DIP2C: variants seen among roughly 807,000 people sequenced by gnomAD.
The protein encoded by DIP2C is disco-interacting protein 2 homolog C.
DIP2C carries 33 observed loss-of-function variants against 192.4 expected under a neutral mutation model. The ratio of observed to expected loss-of-function variants is 0.17; its 90% CI spans 0.13 to 0.23. DIP2C has a LOEUF of 0.23. Among genes scored for constraint, DIP2C ranks in the 10% least tolerant of loss-of-function variants. The probability of loss-of-function intolerance (pLI) is 1.00; values close to 1 mark genes in which losing one functional copy is unlikely to be tolerated. For missense variants in DIP2C, 1,537 were observed against 2,110.1 expected (o/e 0.73, Z 5.32); for synonymous variants, 979 against 864.1 (o/e 1.13, Z -2.33).
chr10:333,873 T>C (rs919104315), intron 29 of DIP2C, among the ~76,000 whole-genome samples: 1 of 152,252 alleles, frequency 6.6e-6, no homozygotes, highest in African/African-American at 2.4e-5. Context: ...TATCTCACTG[T>C]GGTTTTAATT....
At chr10:323,871 CGA>C (rs1383589208) in intron 31 of DIP2C, among the ~76,000 whole-genome samples, 3 of 152,136 alleles carry the variant, frequency 2.0e-5, no homozygotes, top group African/African-American at 7.2e-5. Context: ...AGCCAGGGAG[CGA>C]GAGGTGGTTT....
At chr10:334,031 G>A (rs1188333748) in intron 29 of DIP2C, among the ~76,000 whole-genome samples, 2 of 152,176 alleles carry the variant, frequency 1.3e-5, no homozygotes, top group African/African-American at 2.4e-5. Context: ...TAGGCTGGGT[G>A]CAGTGGCTCA....
chr10:404,032 A>G (rs200699021), intron 9 of DIP2C, among the ~76,000 whole-genome samples: 1 of 146,794 alleles, frequency 6.8e-6, no homozygotes, highest in African/African-American at 2.5e-5. Context: ...TAGCATTAGC[A>G]TTACTCTTCC....
chr10:584,093 G>T (rs1412574050), intron 1 of DIP2C, among the ~76,000 whole-genome samples: 2 of 152,180 alleles, frequency 1.3e-5, no homozygotes, highest in Admixed American at 6.5e-5. Context: ...CTGACTCTGA[G>T]GCTGCCCTGA....
intron 1 of DIP2C, among the ~76,000 whole-genome samples, chr10:622,466 C>T (rs773541083): frequency 2.0e-5 from 3 of 151,792 alleles, no homozygotes; most frequent in South Asian, 2.1e-4. Flanking sequence ...GAATGGAAGG[C>T]GTGTTGCCTC....
chr10:686,586 A>C (rs1203128286), intron 1 of DIP2C, among the ~76,000 whole-genome samples: 1 of 152,204 alleles, frequency 6.6e-6, no homozygotes, highest in Non-Finnish European at 1.5e-5. Context: ...ATGTATCCCC[A>C]CATGGATTCG....
chr10:451,018 T>A (rs1968801882), intron 3 of DIP2C, among the ~76,000 whole-genome samples: 1 of 152,160 alleles, frequency 6.6e-6, no homozygotes, highest in African/African-American at 2.4e-5. Context: ...ATTCAGCCTG[T>A]GAGTTCCTCA....
intron 1 of DIP2C, among the ~76,000 whole-genome samples, chr10:685,142 A>C (rs1488124217): frequency 2.3e-5 from 1 of 43,460 alleles, no homozygotes; most frequent in African/African-American, 1.1e-4. Flanking sequence ...CCCCAAAAAA[A>C]AAAAAAAAAA....
Position 651,434 on chromosome 10 carries a change from T to C in DIP2C, c.85+38060A>G, listed in dbSNP as rs1039964069. On this transcript the variant is annotated intron_variant, in intron 1 of 36. Coordinates refer to ENST00000280886, the MANE Select transcript of DIP2C (RefSeq NM_014974.3). The surrounding 1 kb of genome is among the most constrained non-coding windows in gnomAD (Gnocchi z 4.1). ...TGACTGAATGAACAAGTATGTTAAG[T>C]CGTTAAGTAAAAATAGCAGAAGACT... The C allele has an allele frequency of 5.8e-6, 4 of 686,800 alleles. No individual in the cohort carries two copies. The highest frequency in any genetic ancestry group is 3.5e-5 in the African/African-American group (2 of 56,866). The allele number at this position is 686,800 out of a possible 1,614,324, so 42.5% of individuals were successfully genotyped here.
chr10:650,987 ATC>A (rs1399532530), intron 1 of DIP2C: 4 of 716,932 alleles, frequency 5.6e-6, no homozygotes, highest in Admixed American at 4.0e-5. Flanking sequence ...CCCTCTCTCC[ATC>A]TCTCCCGGTG....
At chr10:538,409 C>A (rs1188471960) in intron 1 of DIP2C, among the ~76,000 whole-genome samples, 1 of 152,226 alleles carries the variant, frequency 6.6e-6, no homozygotes, top group Non-Finnish European at 1.5e-5. Context: ...TCAGCCTTGG[C>A]CTTCCAAAGC....
At chr10:446,615 G>C (rs1335341051) in intron 3 of DIP2C, among the ~76,000 whole-genome samples, 1 of 152,182 alleles carries the variant, frequency 6.6e-6, no homozygotes, top group Non-Finnish European at 1.5e-5. Flanking sequence ...GTGCCATGCA[G>C]ACCTGAACCA....
chr10:369,031 C>G (rs1960645610), intron 18 of DIP2C, among the ~76,000 whole-genome samples: 1 of 152,244 alleles, frequency 6.6e-6, no homozygotes, highest in Non-Finnish European at 1.5e-5. Flanking sequence ...GCTTCTGAGA[C>G]TTGGAAAAAG....
At chr10:348,491 A>C in intron 26 of DIP2C, 150 bp downstream of exon 26, 1 of 1,228,276 alleles carries the variant, frequency 8.1e-7, no homozygotes, top group African/African-American at 1.5e-5. Context: ...GGCTCCCTGC[A>C]GGTAGAGACC....
At chr10:534,842 A>C (rs1370452296) in intron 1 of DIP2C, among the ~76,000 whole-genome samples, 1 of 149,962 alleles carries the variant, frequency 6.7e-6, no homozygotes, top group Non-Finnish European at 1.5e-5. Flanking sequence ...GCGCCCGGCT[A>C]ATTTTTTGTA....
intron 4 of DIP2C, among the ~76,000 whole-genome samples, chr10:432,944 CTAT>C (rs201830939): frequency 0.02 from 3,060 of 152,238 alleles, 44 homozygotes; most frequent in Non-Finnish European, 0.034. Context: ...TTCCAGTCAT[CTAT>C]TATTTATTTC....
chr10:534,317 G>T (rs562788473), intron 1 of DIP2C, among the ~76,000 whole-genome samples: 12 of 152,358 alleles, frequency 7.9e-5, no homozygotes, highest in African/African-American at 2.9e-4. Flanking sequence ...TCTTCCTGCT[G>T]GTGGGGACAG....
chr10:593,848 G>C (rs1334837357), intron 1 of DIP2C, among the ~76,000 whole-genome samples: 2 of 152,172 alleles, frequency 1.3e-5, no homozygotes, highest in African/African-American at 4.8e-5. Context: ...AATTCCCAGG[G>C]TCACCCTGGC....
intron 1 of DIP2C, among the ~76,000 whole-genome samples, chr10:537,820 C>A (rs1377757770): frequency 2.0e-5 from 3 of 151,734 alleles, no homozygotes. Flanking sequence ...GAGACCGAGT[C>A]TCGCTCTGTA....
Sources: gnomAD v4.1 joint callset for allele counts (sites outside exome capture counted in the v4.1 genomes callset) on GRCh38, gnomAD v4.1.1 for gene constraint, Gnocchi (gnomAD v3.1) non-coding constraint, MANE v1.5 for transcripts, NCBI Gene and HGNC (gene_info 2026-07-23, HGNC 2026-07-21) for gene names.